FRMPD2: variants seen among roughly 807,000 people sequenced by gnomAD.
FRMPD2 encodes the protein FERM and PDZ domain-containing protein 2.
Under a neutral mutation model 140.1 loss-of-function variants are expected in FRMPD2, and 96 were observed. The ratio of observed to expected loss-of-function variants is 0.69; its 90% CI spans 0.58 to 0.81. The LOEUF (loss-of-function observed/expected upper bound fraction) is 0.81, where lower values mean the gene tolerates loss of function less well. Ranked by LOEUF, FRMPD2 falls within the 40% of genes least tolerant of loss-of-function variation. FRMPD2 has a pLI of 0.00. For synonymous variants in FRMPD2, 449 were observed against 547.6 expected, an observed-to-expected ratio of 0.82 and a Z score of 2.52; for missense variants, 1,240 against 1,447.4, an observed-to-expected ratio of 0.86 and a Z score of 2.32.
chr10:48,261,773 T>C (rs978875244), intron 1 of FRMPD2, among the ~76,000 whole-genome samples: 1 of 152,078 alleles, frequency 6.6e-6, no homozygotes, highest in Non-Finnish European at 1.5e-5. Flanking sequence ...AGCAACAACA[T>C]CTTGGGTGAT....
chr10:48,253,008 A>G (rs1840421389), intron 1 of FRMPD2, among the ~76,000 whole-genome samples: 1 of 152,072 alleles, frequency 6.6e-6, no homozygotes, highest in Non-Finnish European at 1.5e-5. Context: ...CTATAGCCAC[A>G]GTGAAAGGTT....
intron 12 of FRMPD2, among the ~76,000 whole-genome samples, chr10:48,216,646 C>G (rs1248894118): frequency 6.6e-6 from 1 of 152,192 alleles, no homozygotes; most frequent in Non-Finnish European, 1.5e-5. Flanking sequence ...GGAAAGCTTG[C>G]AAGCAGCAGT....
intron 3 of FRMPD2, among the ~76,000 whole-genome samples, chr10:48,246,944 G>A (rs1840263943): frequency 6.6e-6 from 1 of 152,174 alleles, no homozygotes; most frequent in Non-Finnish European, 1.5e-5. Flanking sequence ...GGTGGCTTTG[G>A]CCCCTTAAAG....
At chr10:48,243,594 A>T (rs1210724621) in intron 4 of FRMPD2, among the ~76,000 whole-genome samples, 2 of 152,224 alleles carry the variant, frequency 1.3e-5, no homozygotes, top group South Asian at 4.1e-4. Context: ...TGATTATGGC[A>T]GAGTGCCAAA....
intron 1 of FRMPD2, among the ~76,000 whole-genome samples, chr10:48,255,246 G>C (rs1840466037): frequency 6.6e-6 from 1 of 152,174 alleles, no homozygotes; most frequent in Non-Finnish European, 1.5e-5. Context: ...AGCCCATCCA[G>C]AAGCTTCTTT....
intron 1 of FRMPD2, among the ~76,000 whole-genome samples, chr10:48,260,990 T>A (rs1228942746): frequency 6.6e-6 from 1 of 152,212 alleles, no homozygotes; most frequent in South Asian, 2.1e-4. Flanking sequence ...ATCAACAGCA[T>A]TGCAAGAGAA....
At chr10:48,208,879 C>T (rs1839258537) in intron 13 of FRMPD2, among the ~76,000 whole-genome samples, 1 of 152,190 alleles carries the variant, frequency 6.6e-6, no homozygotes, top group African/African-American at 2.4e-5. Context: ...GCCACACATC[C>T]CTTGCTGCAT....
chr10:48,269,510 T>A (rs1005569596), intron 1 of FRMPD2, among the ~76,000 whole-genome samples: 19 of 152,048 alleles, frequency 1.2e-4, no homozygotes, highest in African/African-American at 4.1e-4. Context: ...GGCCTGAGAG[T>A]TCCCCCTTCA....
chr10:48,201,414 A>G, intron 14 of FRMPD2, 30 bp from the exon 15 acceptor site: 3 of 1,608,052 alleles, frequency 1.9e-6, no homozygotes, highest in Non-Finnish European at 2.6e-6. Flanking sequence ...ACTTTAATAC[A>G]CTGATCATCC....
At chr10:48,159,650 G>A (rs1352516440) in intron 28 of FRMPD2, among the ~76,000 whole-genome samples, 1 of 151,578 alleles carries the variant, frequency 6.6e-6, no homozygotes, top group Non-Finnish European at 1.5e-5. Flanking sequence ...ATAACTTTAG[G>A]TTCATTTCCA....
At chr10:48,219,916 G>C (rs553240460) in intron 12 of FRMPD2, among the ~76,000 whole-genome samples, 1 of 152,146 alleles carries the variant, frequency 6.6e-6, no homozygotes, top group Non-Finnish European at 1.5e-5. Flanking sequence ...GGAGTAACAC[G>C]TCTGGGCTCA....
chr10:48,189,307 C>T (rs1046880859), intron 16 of FRMPD2, among the ~76,000 whole-genome samples: 4 of 152,186 alleles, frequency 2.6e-5, no homozygotes, highest in African/African-American at 7.2e-5. Flanking sequence ...GGAGGAGCCA[C>T]ACCTTCACCT....
At chr10:48,238,288 A>G (rs1840018250) in intron 7 of FRMPD2, among the ~76,000 whole-genome samples, 165 bp from the exon 8 acceptor site, 1 of 152,136 alleles carries the variant, frequency 6.6e-6, no homozygotes, top group Non-Finnish European at 1.5e-5. Flanking sequence ...AAGTGGGGGA[A>G]GCTGAGGCCT....
intron 1 of FRMPD2, among the ~76,000 whole-genome samples, chr10:48,273,564 T>C (rs111248340): frequency 1.3e-5 from 2 of 152,170 alleles, no homozygotes; most frequent in Admixed American, 6.5e-5. Context: ...CTCCTGCTAG[T>C]GTTCGCTTAG....
chr10:48,191,442 A>G (rs555130900), intron 16 of FRMPD2, among the ~76,000 whole-genome samples: 2 of 152,312 alleles, frequency 1.3e-5, no homozygotes, highest in African/African-American at 4.8e-5. Flanking sequence ...CACAATGGTC[A>G]TTGTTTTAAG....
chr10:48,245,623 A>G (rs774463687), intron 3 of FRMPD2, among the ~76,000 whole-genome samples: 2 of 152,220 alleles, frequency 1.3e-5, no homozygotes, highest in Non-Finnish European at 2.9e-5. Context: ...CACTTACAAT[A>G]TACCAGGCCT....
At chr10:48,250,795 C>CT (rs34856884) in intron 2 of FRMPD2, among the ~76,000 whole-genome samples, 2,535 of 117,106 alleles carry the variant, frequency 0.022, 71 homozygotes, top group African/African-American at 0.042. Flanking sequence ...GTAGGTCTGC[C>CT]TTTTTTTTTT....
intron 1 of FRMPD2, among the ~76,000 whole-genome samples, chr10:48,261,604 C>A (rs929988340): frequency 1.3e-5 from 2 of 152,100 alleles, no homozygotes; most frequent in East Asian, 3.8e-4. Flanking sequence ...ACAAACAAAA[C>A]TTCTGAGTAT....
chr10:48,162,867 T>C (rs1156895210), intron 28 of FRMPD2, among the ~76,000 whole-genome samples: 1 of 136,956 alleles, frequency 7.3e-6, no homozygotes, highest in Non-Finnish European at 1.5e-5. Context: ...GAGGATCACT[T>C]GAGCCCAGGA....
Sources: allele counts gnomAD v4.1 joint callset (sites outside exome capture counted in the v4.1 genomes callset), GRCh38; gene constraint gnomAD v4.1.1; transcripts MANE v1.5; gene names NCBI Gene and HGNC (gene_info 2026-07-23, HGNC 2026-07-21).